Variants in ASNS observed in about 807,000 individuals in gnomAD.
The protein encoded by ASNS is asparagine synthetase [glutamine-hydrolyzing].
A neutral mutation model predicts 62.6 loss-of-function variants in ASNS; 37 were observed. That is an observed-to-expected ratio of 0.59 (90% CI 0.45 to 0.78). The LOEUF (loss-of-function observed/expected upper bound fraction) is 0.78, where lower values mean the gene tolerates loss of function less well. ASNS is among the 30% of genes least tolerant of loss of function. The pLI, the probability that ASNS is intolerant of heterozygous loss-of-function variation, is 0.00. For synonymous variants in ASNS, 207 were observed against 237.9 expected, an observed-to-expected ratio of 0.87 and a Z score of 1.19; for missense variants, 520 against 682.4, an observed-to-expected ratio of 0.76 and a Z score of 2.65.
chr7:97,908,054 G>C, the ASNS span, among the ~76,000 whole-genome samples: 3 of 152,160 alleles, frequency 2.0e-5, no homozygotes, highest in Non-Finnish European at 4.4e-5. Flanking sequence ...TTGCAGAACA[G>C]AAAGAGAAGG....
the ASNS span, among the ~76,000 whole-genome samples, chr7:97,886,383 G>A: frequency 1.5e-4 from 23 of 152,038 alleles, no homozygotes; most frequent in African/African-American, 5.3e-4. Flanking sequence ...TCCTGACCTC[G>A]TGACCCGCTC....
the ASNS span, among the ~76,000 whole-genome samples, chr7:97,884,320 G>A: frequency 1.3e-5 from 2 of 152,278 alleles, no homozygotes; most frequent in Admixed American, 1.3e-4. Context: ...AAGCTGAGGC[G>A]GCTGGATCAC....
chr7:97,917,096 G>A, the ASNS span, among the ~76,000 whole-genome samples: 1 of 151,638 alleles, frequency 6.6e-6, no homozygotes, highest in Non-Finnish European at 1.5e-5. Context: ...ACCCCCACAC[G>A]GAACTCTCAT....
chr7:97,853,726 A>G (rs144416453), intron 10 of ASNS, among the ~76,000 whole-genome samples: 172 of 152,348 alleles, frequency 1.1e-3, no homozygotes, highest in Non-Finnish European at 2.1e-3. Context: ...CCTTGCCTAG[A>G]CCTAACTCAG....
chr7:97,913,970 G>A, the ASNS span, among the ~76,000 whole-genome samples: 4 of 151,722 alleles, frequency 2.6e-5, no homozygotes, highest in African/African-American at 4.8e-5. Context: ...ATGGATGCAC[G>A]GGTAGGGGGA....
intron 4 of ASNS, among the ~76,000 whole-genome samples, chr7:97,860,114 T>C (rs1791643220): frequency 1.3e-5 from 2 of 152,174 alleles, no homozygotes; most frequent in South Asian, 2.1e-4. Context: ...GTAACCTGTG[T>C]AGCACTGAAT....
At chr7:97,877,020 G>A (rs528538437), upstream of ASNS, among the ~76,000 whole-genome samples, 1 of 152,138 alleles carries the variant, frequency 6.6e-6, no homozygotes, top group East Asian at 1.9e-4. Flanking sequence ...CCTCTTTCAG[G>A]GCTAAGATAA....
rs1475715264 is a variant in ASNS, at chr7:97,866,227, A to G, written c.250-1731T>C. Among the ~76,000 whole-genome samples the G allele has an allele frequency of 2.6e-5, 4 of 152,344 alleles. No individual in the cohort carries two copies. The East Asian group carries it at 7.7e-4, about 29-fold the overall frequency. On this transcript the variant is annotated intron_variant, in intron 3 of 12. Coordinates refer to ENST00000394308, the MANE Select transcript of ASNS (RefSeq NM_001673.5). Reference sequence around the variant, plus strand: ...AGCTATAAAAATGTAAAGCAAAGGGACAAACATCATTTGGCATCATTCCCT... The same window carrying G: ...AGCTATAAAAATGTAAAGCAAAGGGGCAAACATCATTTGGCATCATTCCCT...
At chr7:97,858,815 A>T in intron 6 of ASNS, 39 bp downstream of exon 6, 1 of 1,535,992 alleles carries the variant, frequency 6.5e-7, no homozygotes, top group Non-Finnish European at 8.9e-7. Flanking sequence ...TCAATTAAAC[A>T]CACATGAAAT....
the ASNS span, among the ~76,000 whole-genome samples, chr7:97,920,442 T>A: frequency 6.6e-6 from 1 of 151,576 alleles, no homozygotes; most frequent in Admixed American, 6.6e-5. Context: ...GGGGCTCTGA[T>A]CCTCAGCTGG....
chr7:97,921,177 T>G, the ASNS span, among the ~76,000 whole-genome samples: 38 of 152,334 alleles, frequency 2.5e-4, no homozygotes, highest in African/African-American at 8.7e-4. Flanking sequence ...ACTCACCTGC[T>G]GCAACCCTAG....
chr7:97,861,927 A>C (rs543753511), intron 4 of ASNS, among the ~76,000 whole-genome samples: 240 of 152,320 alleles, frequency 1.6e-3, no homozygotes, highest in Non-Finnish European at 2.4e-3. Context: ...GCTATTATAA[A>C]TGAAGTTGCT....
At chr7:97,861,091 G>A (rs10231594) in intron 4 of ASNS, among the ~76,000 whole-genome samples, 7,569 of 140,458 alleles carry the variant, frequency 0.054, 266 homozygotes, top group East Asian at 0.11. Context: ...GCGCGATCTC[G>A]GCTTACCGCA....
chr7:97,855,004 G>T (rs1791366537), intron 9 of ASNS: 3 of 359,826 alleles, frequency 8.3e-6, no homozygotes, highest in South Asian at 7.2e-5. Flanking sequence ...AAGAGACGGG[G>T]TCTTACTCTG....
the ASNS span, chr7:97,898,723 G>A: frequency 1.5e-6 from 1 of 646,866 alleles, no homozygotes; most frequent in East Asian, 2.7e-5. Context: ...GATGAAAGAA[G>A]TAACCATCGG....
At chr7:97,866,168 C>T (rs2115727230) in intron 3 of ASNS, among the ~76,000 whole-genome samples, 1 of 152,280 alleles carries the variant, frequency 6.6e-6, no homozygotes, top group East Asian at 1.9e-4. Context: ...ATAGTATTGG[C>T]TAAGAAGTTC....
the ASNS span, among the ~76,000 whole-genome samples, chr7:97,917,570 C>T: frequency 2.0e-4 from 30 of 152,242 alleles, 1 homozygote; most frequent in Non-Finnish European, 2.4e-4. Context: ...CTTCCAGTCT[C>T]GGGCCTAGAA....
the ASNS span, chr7:97,928,371 C>T: frequency 1.5e-4 from 129 of 866,624 alleles, no homozygotes; most frequent in Non-Finnish European, 2.2e-4. Context: ...GGAGCTGGGG[C>T]GTCTGAGCGC....
At chr7:97,857,030 C>A (rs1791473696) in intron 7 of ASNS, among the ~76,000 whole-genome samples, 1 of 152,180 alleles carries the variant, frequency 6.6e-6, no homozygotes, top group African/African-American at 2.4e-5. Context: ...AAGTAAGTCT[C>A]CCCTCAGCTC....
Sources: allele counts gnomAD v4.1 joint callset (sites outside exome capture counted in the v4.1 genomes callset), GRCh38; gene constraint gnomAD v4.1.1; transcripts MANE v1.5; gene names NCBI Gene and HGNC (gene_info 2026-07-23, HGNC 2026-07-21).